The following ASAP2 variants were observed in gnomAD, a reference collection of about 807,000 sequenced individuals.
ASAP2 encodes the protein arf-GAP with SH3 domain, ANK repeat and PH domain-containing protein 2.
Under a neutral mutation model 131.4 loss-of-function variants are expected in ASAP2, and 45 were observed. That is an observed-to-expected ratio of 0.34 (90% CI 0.27 to 0.44). The LOEUF (loss-of-function observed/expected upper bound fraction) is 0.44, where lower values mean the gene tolerates loss of function less well. Ranked by LOEUF, ASAP2 falls within the 20% of genes least tolerant of loss-of-function variation. ASAP2 has a pLI of 1.00. For missense variants in ASAP2, 1,011 were observed against 1,297.0 expected (o/e 0.78, Z 3.39); for synonymous variants, 510 against 503.0 (o/e 1.01, Z -0.19).
chr2:9,374,802 A>T lies in ASAP2; in HGVS notation c.1604A>T (p.Tyr535Phe), dbSNP rs750949098. 9 of 1,612,700 alleles carry T rather than the reference A, an allele frequency of 5.6e-6. No individual in the cohort carries two copies. The highest frequency in any genetic ancestry group is 7.6e-6 in the Non-Finnish European group (9 of 1,179,672). Residue 535 changes from tyrosine (Y) to phenylalanine (F), a missense_variant, in exon 17 of 28, where the codon TAC becomes TTC. Physicochemically the swap from Tyr to Phe is conservative, Grantham distance 22 (BLOSUM62 3). Coordinates refer to ENST00000281419, the MANE Select transcript of ASAP2 (RefSeq NM_003887.3). ...ACAGCCAAGTACATCGAGAGGAGAT[A>T]CGCAAGGAAGAAGCACGCGGATAAC... ...YITAKYIERR[Y>F]ARKKHADNAA... is the part of the protein sequence containing the mutation.
rs928507965 is a variant in ASAP2, at chr2:9,340,755, G to T, written c.850-3777G>T. On this transcript the variant is annotated intron_variant, in intron 9 of 27. Coordinates refer to ENST00000281419, the MANE Select transcript of ASAP2 (RefSeq NM_003887.3). Reference sequence around the variant, plus strand: ...TTTTTAAGCTATCCTAGAGTCTTTAGAGTCTTAGACAGCTCAAGGATTCTA... The same window carrying T: ...TTTTTAAGCTATCCTAGAGTCTTTATAGTCTTAGACAGCTCAAGGATTCTA... Among the ~76,000 whole-genome samples the T allele has an allele frequency of 4.1e-4, 63 of 152,314 alleles. 1 individual carries two copies. Among genetic ancestry groups the T allele is most frequent in the Non-Finnish European group, 1.2e-4 (8 of 68,024 alleles).
chr2:9,402,602 C>T (rs550269416), intron 27 of ASAP2, among the ~76,000 whole-genome samples: 1 of 152,168 alleles, frequency 6.6e-6, no homozygotes, highest in Non-Finnish European at 1.5e-5. Flanking sequence ...GTGGAAAATA[C>T]CTGCTCATTT....
At chr2:9,288,167 C>A (rs531746459) in intron 2 of ASAP2, among the ~76,000 whole-genome samples, 1 of 152,234 alleles carries the variant, frequency 6.6e-6, no homozygotes, top group East Asian at 1.9e-4. Flanking sequence ...GATGCCCATA[C>A]CCCCATAAAC....
chr2:9,373,833 A>T (rs1032133311), intron 16 of ASAP2, among the ~76,000 whole-genome samples: 3 of 152,128 alleles, frequency 2.0e-5, no homozygotes, highest in Admixed American at 6.5e-5. Context: ...GTGACCCTCA[A>T]CCTTCAGAAT....
At chr2:9,316,706 T>C (rs1429196683) in intron 3 of ASAP2, among the ~76,000 whole-genome samples, 1 of 152,138 alleles carries the variant, frequency 6.6e-6, no homozygotes, top group Non-Finnish European at 1.5e-5. Flanking sequence ...GCATCTTGAG[T>C]TGACTCGCAT....
Position 9,240,198 on chromosome 2 carries a change from C to T in ASAP2, c.126+32968C>T, listed in dbSNP as rs114333844. On this transcript the variant is annotated intron_variant, in intron 1 of 27. Transcript: ENST00000281419. ...AGCCAGCTAATATTGAACTAGTTTGCCTTCAATCACGACATGTCTCTGTTC... is the reference window on the plus strand; with the variant it reads ...AGCCAGCTAATATTGAACTAGTTTGTCTTCAATCACGACATGTCTCTGTTC... 8.2e-3 allele frequency among the ~76,000 whole-genome samples: 1,237 copies of T among 151,692 alleles called. 11 individuals are homozygous for T. The highest frequency in any genetic ancestry group is 0.013 in the Non-Finnish European group (857 of 67,936).
chr2:9,229,061 C>T (rs769610429), intron 1 of ASAP2, among the ~76,000 whole-genome samples: 3 of 152,056 alleles, frequency 2.0e-5, no homozygotes, highest in Non-Finnish European at 4.4e-5. Flanking sequence ...AGGCTAGGGG[C>T]GGAAAGTGGA....
At chr2:9,271,254 C>T (rs901248794) in intron 1 of ASAP2, 20 of 709,380 alleles carry the variant, frequency 2.8e-5, no homozygotes, top group Non-Finnish European at 4.9e-5. Flanking sequence ...GCAAGGAAAT[C>T]CTCACTTAAA....
intron 12 of ASAP2, among the ~76,000 whole-genome samples, chr2:9,353,471 C>T (rs1012213358): frequency 4.0e-5 from 6 of 151,882 alleles, no homozygotes; most frequent in East Asian, 1.9e-4. Flanking sequence ...ATGGGAGGAT[C>T]GCTTGAGTTC....
At chr2:9,286,695 G>A (rs890982558) in intron 2 of ASAP2, among the ~76,000 whole-genome samples, 4 of 152,174 alleles carry the variant, frequency 2.6e-5, no homozygotes, top group African/African-American at 9.7e-5. Flanking sequence ...GCTTATCAAA[G>A]TGAGAAATTG....
At chr2:9,357,308 G>A (rs1436846609) in intron 14 of ASAP2, among the ~76,000 whole-genome samples, 2 of 151,822 alleles carry the variant, frequency 1.3e-5, no homozygotes, top group Admixed American at 1.3e-4. Context: ...GTGAAAACTC[G>A]TCTCTATTAA....
chr2:9,255,721 A>G (rs1321645599), intron 1 of ASAP2, among the ~76,000 whole-genome samples: 1 of 152,246 alleles, frequency 6.6e-6, no homozygotes, highest in Non-Finnish European at 1.5e-5. Context: ...GAGGTTCTTC[A>G]GGGGTCTGCT....
In ASAP2 at chr2:9,400,820, A is replaced by G; in HGVS notation, c.2813A>G (p.Lys938Arg). 1 of 1,613,368 alleles carries G rather than the reference A, an allele frequency of 6.2e-7. No individual in the cohort carries two copies. Among genetic ancestry groups the G allele is most frequent in the Non-Finnish European group, 8.5e-7 (1 of 1,179,808 alleles). ...VLQPPAPMPR[K>R]SQATKLKPKR... Reference sequence around the variant, plus strand: ...CAGCCCCCTGCACCCATGCCTAGGAAGTCGCAGGCAGTAAGTGACGAGCCC... The same window carrying G: ...CAGCCCCCTGCACCCATGCCTAGGAGGTCGCAGGCAGTAAGTGACGAGCCC... The change falls in exon 26 of 28, where the codon AAG becomes AGG. Residue 938 changes from lysine to arginine, a missense_variant. By Grantham distance (26) the Lys-to-Arg change is conservative (BLOSUM62 2). Coordinates refer to ENST00000281419, the MANE Select transcript of ASAP2 (RefSeq NM_003887.3).
intron 2 of ASAP2, among the ~76,000 whole-genome samples, chr2:9,290,658 A>T (rs1012362875): frequency 1.3e-5 from 2 of 152,252 alleles, no homozygotes; most frequent in African/African-American, 4.8e-5. Context: ...TGGAAAGTTC[A>T]GAAAAGCACT....
intron 1 of ASAP2, among the ~76,000 whole-genome samples, chr2:9,228,977 C>T (rs1662963732): frequency 1.3e-5 from 2 of 152,242 alleles, no homozygotes; most frequent in East Asian, 3.9e-4. Flanking sequence ...TCCGGTATCT[C>T]AGGAGGGAGT....
In ASAP2 at chr2:9,403,357, A is replaced by T; in HGVS notation, c.*30A>T. On this transcript the variant is annotated 3_prime_UTR_variant, in exon 28 of 28. Coordinates refer to ENST00000281419, the MANE Select transcript of ASAP2 (RefSeq NM_003887.3). ...CTACTGAACAAAAGCATTAACAGTT[A>T]TGTTCCTGTTTCGTTATTGGTACCA... 1 of 1,604,708 alleles carries T rather than the reference A, an allele frequency of 6.2e-7. No homozygotes were observed.
intron 1 of ASAP2, among the ~76,000 whole-genome samples, chr2:9,254,353 CT>C (rs777033631): frequency 3.1e-3 from 326 of 103,944 alleles, no homozygotes; most frequent in East Asian, 0.017. Flanking sequence ...ATAAACTAAA[CT>C]TTTTTTTTTT....
At chr2:9,380,904 C>A in intron 20 of ASAP2, 96 bp downstream of exon 20, 1 of 1,293,590 alleles carries the variant, frequency 7.7e-7, no homozygotes, top group Non-Finnish European at 1.1e-6. Context: ...GAACCAGTGT[C>A]CTGAGCAGAG....
Position 9,392,809 on chromosome 2 carries a change from C to T in ASAP2, c.2519-673C>T, listed in dbSNP as rs931261652. On this transcript the variant is annotated intron_variant, in intron 23 of 27. Transcript: ENST00000281419. This position sits in a 1 kb window ranked among gnomAD's most constrained non-coding sequence, Gnocchi z 4.0. ...ATCCTGAGGCCCAGTATGATAAGCCCGACATTTAGAGAGGGCTTAATGCCT... is the reference window on the plus strand; with the variant it reads ...ATCCTGAGGCCCAGTATGATAAGCCTGACATTTAGAGAGGGCTTAATGCCT... 3.3e-5 allele frequency among the ~76,000 whole-genome samples: 5 copies of T among 152,050 alleles called. No individual in the cohort carries two copies. The highest frequency in any genetic ancestry group is 7.2e-5 in the African/African-American group (3 of 41,390).
Sources: allele counts gnomAD v4.1 joint callset (sites outside exome capture counted in the v4.1 genomes callset), GRCh38; gene constraint gnomAD v4.1.1; non-coding constraint Gnocchi (gnomAD v3.1); transcripts MANE v1.5; gene names NCBI Gene and HGNC (gene_info 2026-07-23, HGNC 2026-07-21).